Variants in RAB7A observed in about 807,000 individuals in gnomAD.
The protein encoded by RAB7A is ras-related protein Rab-7a.
RAB7A carries 2 observed loss-of-function variants against 24.5 expected under a neutral mutation model. The observed-to-expected ratio is 0.08, with a 90% confidence interval of 0.03 to 0.26. RAB7A has a LOEUF of 0.26. RAB7A is among the 10% of genes least tolerant of loss of function. RAB7A has a pLI of 1.00. For missense variants in RAB7A, 118 were observed against 255.7 expected (o/e 0.46, Z 3.67); for synonymous variants, 100 against 95.9 (o/e 1.04, Z -0.25).
chr3:128,739,818 C>T (rs2070531572), intron 1 of RAB7A, among the ~76,000 whole-genome samples: 1 of 152,084 alleles, frequency 6.6e-6, no homozygotes, highest in Admixed American at 6.5e-5. Context: ...GCCTGTAATC[C>T]CAGCACTTTG....
chr3:128,734,261 G>A (rs1391363718), intron 1 of RAB7A, among the ~76,000 whole-genome samples: 1 of 151,858 alleles, frequency 6.6e-6, no homozygotes, highest in Non-Finnish European at 1.5e-5. Flanking sequence ...GAAACCCTGT[G>A]TCTACTGAAA....
intron 1 of RAB7A, chr3:128,749,614 G>A (rs1015208955): frequency 6.6e-6 from 1 of 152,172 alleles, no homozygotes; most frequent in Admixed American, 6.5e-5. Context: ...CCGGTGGGAG[G>A]TAATTGAATC....
At chr3:128,776,331 G>C (rs571187555) in intron 1 of RAB7A, among the ~76,000 whole-genome samples, 2 of 151,880 alleles carry the variant, frequency 1.3e-5, no homozygotes, top group East Asian at 1.9e-4. Flanking sequence ...GTACAGTGGT[G>C]CGAACACAGC....
intron 3 of RAB7A, among the ~76,000 whole-genome samples, chr3:128,804,069 C>T (rs1436788565): frequency 6.6e-6 from 1 of 152,184 alleles, no homozygotes; most frequent in Admixed American, 6.5e-5. Context: ...CCCCGAGAAA[C>T]TGTTATCACA....
At chr3:128,809,947 T>A (rs1473858041) in intron 5 of RAB7A, among the ~76,000 whole-genome samples, 1 of 93,550 alleles carries the variant, frequency 1.1e-5, no homozygotes, top group African/African-American at 3.8e-5. Context: ...TTTTTTTTTT[T>A]TTTTTTTTTT....
chr3:128,744,839 A>G (rs544532888), intron 1 of RAB7A, among the ~76,000 whole-genome samples: 1 of 149,644 alleles, frequency 6.7e-6, no homozygotes, highest in African/African-American at 2.4e-5. Flanking sequence ...GGTTTCCTTG[A>G]TACTTCTCTG....
intron 1 of RAB7A, among the ~76,000 whole-genome samples, chr3:128,777,275 C>G (rs572839420): frequency 6.6e-6 from 1 of 152,198 alleles, no homozygotes; most frequent in Middle Eastern, 3.4e-3. Context: ...CTCGCTACAG[C>G]CTTGACATCC....
chr3:128,774,679 T>C (rs912571494), intron 1 of RAB7A, among the ~76,000 whole-genome samples: 3 of 152,144 alleles, frequency 2.0e-5, no homozygotes, highest in Admixed American at 1.3e-4. Flanking sequence ...TTCACGCCAT[T>C]CTCCTGCCTC....
chr3:128,771,704 C>A (rs965956831), intron 1 of RAB7A, among the ~76,000 whole-genome samples: 1 of 152,180 alleles, frequency 6.6e-6, no homozygotes, highest in Non-Finnish European at 1.5e-5. Flanking sequence ...ATAGTAATTG[C>A]GGTTTTTGCA....
intron 1 of RAB7A, among the ~76,000 whole-genome samples, chr3:128,773,456 G>A (rs866735284): frequency 2.8e-5 from 4 of 144,686 alleles, no homozygotes; most frequent in Admixed American, 1.4e-4. Context: ...CAGCCGCCCC[G>A]TCCGGGAGGG....
chr3:128,757,323 T>C lies in RAB7A; in HGVS notation c.-9+30964T>C, dbSNP rs138734291. ...ACAGTAACACAGGGTGAAGTGAAAGTGTGCCATTTTATGTAGGATGGTTGG... is the reference window on the plus strand; with the variant it reads ...ACAGTAACACAGGGTGAAGTGAAAGCGTGCCATTTTATGTAGGATGGTTGG... On this transcript the variant is annotated intron_variant, in intron 1 of 5. Transcript: ENST00000265062. 7.1e-3 allele frequency among the ~76,000 whole-genome samples: 1,075 copies of C among 152,090 alleles called. 6 individuals are homozygous for C. Among genetic ancestry groups the C allele is most frequent in the Admixed American group, 0.015 (224 of 15,272 alleles).
chr3:128,752,574 T>C (rs963042165), intron 1 of RAB7A, among the ~76,000 whole-genome samples: 3 of 152,086 alleles, frequency 2.0e-5, no homozygotes, highest in African/African-American at 7.2e-5. Flanking sequence ...ATCAGCTTAC[T>C]GGGCTGTGCA....
intron 5 of RAB7A, among the ~76,000 whole-genome samples, chr3:128,810,120 G>C (rs944152538): frequency 1.3e-5 from 2 of 150,490 alleles, no homozygotes; most frequent in Non-Finnish European, 3.0e-5. Context: ...AGCTAATTTT[G>C]GTAATTTTTT....
At chr3:128,728,908 A>T (rs1220759215) in intron 1 of RAB7A, among the ~76,000 whole-genome samples, 1 of 152,152 alleles carries the variant, frequency 6.6e-6, no homozygotes, top group African/African-American at 2.4e-5. Context: ...TGTAGCACTG[A>T]TAGTGTACTG....
chr3:128,759,937 C>T lies in RAB7A; in HGVS notation c.-9+33578C>T, dbSNP rs186404193. 1.2e-4 allele frequency among the ~76,000 whole-genome samples: 19 copies of T among 152,208 alleles called. No homozygotes were observed. The East Asian group carries it at 3.7e-3, about 29-fold the overall frequency. On this transcript the variant is annotated intron_variant, in intron 1 of 5. Coordinates refer to ENST00000265062, the MANE Select transcript of RAB7A (RefSeq NM_004637.6). The stretch of plus-strand genomic sequence containing the variant: ...ATTGGTCAGGCTGGTCTCTAACTCC[C>T]GACCTCAGGTGATCTGCCTGCCTCG...
intron 1 of RAB7A, among the ~76,000 whole-genome samples, chr3:128,768,674 T>C (rs1432296156): frequency 6.6e-6 from 1 of 151,552 alleles, no homozygotes; most frequent in Non-Finnish European, 1.5e-5. Flanking sequence ...TCCTTCCACC[T>C]CAGCCCCACG....
chr3:128,807,444 C>A (rs1933829193), intron 4 of RAB7A, 99 bp from the exon 5 acceptor site: 2 of 1,559,986 alleles, frequency 1.3e-6, no homozygotes, highest in African/African-American at 1.4e-5. Context: ...CTCACCTGTA[C>A]TACCTGTAGA....
chr3:128,747,751 T>C (rs542538755), intron 1 of RAB7A, among the ~76,000 whole-genome samples: 1 of 151,338 alleles, frequency 6.6e-6, no homozygotes, highest in Admixed American at 6.6e-5. Context: ...AAGGATTCTT[T>C]TTCATTTTGT....
At chr3:128,776,376 C>T (rs1199523080) in intron 1 of RAB7A, among the ~76,000 whole-genome samples, 1 of 151,974 alleles carries the variant, frequency 6.6e-6, no homozygotes, top group African/African-American at 2.4e-5. Context: ...CTCAAGTGAT[C>T]CTGATCCCTT....
Sources: allele counts gnomAD v4.1 joint callset (sites outside exome capture counted in the v4.1 genomes callset), GRCh38; gene constraint gnomAD v4.1.1; transcripts MANE v1.5; gene names NCBI Gene and HGNC (gene_info 2026-07-23, HGNC 2026-07-21).